CRMP1: variants seen among roughly 807,000 people sequenced by gnomAD.
The protein encoded by CRMP1 is collapsin response mediator protein 1, also known as dihydropyrimidinase-related protein 1.
Under a neutral mutation model 68.3 loss-of-function variants are expected in CRMP1, and 19 were observed. That is an observed-to-expected ratio of 0.28 (90% CI 0.19 to 0.41). The LOEUF is 0.41. CRMP1 is among the 10% of genes least tolerant of loss of function. The pLI, the probability that CRMP1 is intolerant of heterozygous loss-of-function variation, is 1.00. For missense variants in CRMP1, 791 were observed against 967.4 expected (o/e 0.82, Z 2.42); for synonymous variants, 439 against 399.6 (o/e 1.10, Z -1.18).
Position 5,828,583 on chromosome 4 carries a change from T to C in CRMP1, c.1709A>G (p.Asp570Gly). ...VISQGKIVFEDGNINVNKGMG... is the reference protein window; with the variant it reads ...VISQGKIVFEGGNINVNKGMG... ...GCCCTTGTTGACGTTGATGTTTCCG[T>C]CTTCAAAGACGATCTTGCCCTGGCT... Residue 570 changes from aspartate (D) to glycine (G), a missense_variant, in exon 12 of 14, where the codon GAC (aspartate) becomes GGC (glycine). Transcript: ENST00000324989. The C allele has an allele frequency of 1.2e-6, 2 of 1,614,172 alleles. No homozygotes were observed. Among genetic ancestry groups the C allele is most frequent in the Non-Finnish European group, 1.7e-6 (2 of 1,180,042 alleles).
At chr4:5,851,763 G>T (rs1351321960) in intron 4 of CRMP1, among the ~76,000 whole-genome samples, 16 of 150,012 alleles carry the variant, frequency 1.1e-4, no homozygotes, top group African/African-American at 4.0e-4. Flanking sequence ...GAAGGAGGAG[G>T]ATGAAGAGGA....
In CRMP1 at chr4:5,877,761, C is replaced by T. The variant is rs899015657; in HGVS notation, c.382-11005G>A. Among the ~76,000 whole-genome samples, 1 of 152,166 alleles carries T rather than the reference C, an allele frequency of 6.6e-6. No homozygotes were observed. Among genetic ancestry groups the T allele is most frequent in the African/African-American group, 2.4e-5 (1 of 41,448 alleles). ...TTCCCCCCGATATTATGCCTGTTTC[C>T]ATGACAACTGCAGTTATAAGTGCAC... On this transcript the variant is annotated intron_variant, in intron 1 of 13. Transcript: ENST00000324989. This position sits in a 1 kb window ranked among gnomAD's most constrained non-coding sequence, Gnocchi z 4.3.
intron 1 of CRMP1, among the ~76,000 whole-genome samples, chr4:5,868,302 T>TATAC (rs1408017840): frequency 2.4e-5 from 3 of 126,876 alleles, no homozygotes; most frequent in South Asian, 2.5e-4. Flanking sequence ...TATATATATA[T>TATAC]ACATAATTTT....
In CRMP1 at chr4:5,874,083, A is replaced by G. The variant is rs538663860; in HGVS notation, c.382-7327T>C. On this transcript the variant is annotated intron_variant, in intron 1 of 13. Transcript: ENST00000324989. ...TGTAGCAGGCAAGTTTGCAACAGGT[A>G]TCAAAGGCCTTAACAATGTTCATGT... 3.3e-5 allele frequency among the ~76,000 whole-genome samples: 5 copies of G among 152,346 alleles called. No homozygotes were observed. The South Asian group carries it at 8.3e-4, about 25-fold the overall frequency.
intron 1 of CRMP1, among the ~76,000 whole-genome samples, chr4:5,869,196 TC>T (rs1381639839): frequency 1.3e-5 from 2 of 152,100 alleles, no homozygotes; most frequent in Non-Finnish European, 2.9e-5. Context: ...CAAGCAATCC[TC>T]CCTCCTCGGT....
chr4:5,892,552 GC>G lies in CRMP1; in HGVS notation c.381+36del, dbSNP rs554869467. On this transcript the variant is annotated intron_variant, in intron 1 of 13. Transcript: ENST00000324989. This position sits in a 1 kb window ranked among gnomAD's most constrained non-coding sequence, Gnocchi z 8.6. ...CATGCCCTGGGTCCTCCCGGGGCCC[GC>G]CCCCCTCGTCTGGCCCGCGCGCGCC... 336 of 1,168,408 alleles carry G rather than the reference GC, an allele frequency of 2.9e-4. 1 individual carries two copies. The African/African-American group carries it at 5.0e-3, about 17-fold the overall frequency. The allele number at this position is 1,168,408 out of a possible 1,614,324, so 72.4% of individuals were successfully genotyped here. A position where few individuals can be genotyped will look rare whatever the true frequency, so the allele number is the denominator to read the frequency against.
intron 2 of CRMP1, among the ~76,000 whole-genome samples, chr4:5,862,159 A>T (rs967136780): frequency 7.9e-5 from 12 of 152,132 alleles, no homozygotes; most frequent in Non-Finnish European, 1.8e-4. Context: ...ACACCCAGAA[A>T]ATGTTACCAC....
chr4:5,851,355 C>G, intron 5 of CRMP1, 53 bp downstream of exon 5: 5 of 1,548,226 alleles, frequency 3.2e-6, no homozygotes, highest in Non-Finnish European at 4.5e-6. Context: ...ACTGGCAAAG[C>G]TGGCCCAGTC....
At chr4:5,837,698 A>AAAATAAAATAAAATAAAATG (rs1560492452) in intron 9 of CRMP1, among the ~76,000 whole-genome samples, 61 of 151,050 alleles carry the variant, frequency 4.0e-4, no homozygotes, top group African/African-American at 1.3e-3. Flanking sequence ...AAAATAAAAT[A>AAAATAAAATAAAATAAAATG]AAAAATGAAT....
chr4:5,846,464 G>A (rs1393698983), intron 6 of CRMP1, among the ~76,000 whole-genome samples: 1 of 152,168 alleles, frequency 6.6e-6, no homozygotes, highest in Non-Finnish European at 1.5e-5. Flanking sequence ...GGTGCCTTTT[G>A]TCTTATGGTG....
chr4:5,835,931 G>A lies in CRMP1; in HGVS notation c.1607C>T (p.Ala536Val). Residue 536 changes from alanine (A) to valine (V), a missense_variant, in exon 11 of 14, where the codon GCC (alanine) becomes GTC (valine). Transcript: ENST00000324989. ...WDPDKLKTIT[A>V]KSHKSAVEYN... is the part of the protein sequence containing the mutation. ...AGGACTTACCGACTTGTGACTTTTG[G>A]CTGTTATGGTCTTCAACTTGTCGGG... The A allele has an allele frequency of 6.4e-7, 1 of 1,554,846 alleles. No homozygotes were observed. The highest frequency in any genetic ancestry group is 8.7e-7 in the Non-Finnish European group (1 of 1,153,334).
rs1714947890 is a variant in CRMP1, at chr4:5,877,844, T to C, written c.382-11088A>G. Among the ~76,000 whole-genome samples, 1 of 152,202 alleles carries C rather than the reference T, an allele frequency of 6.6e-6. No homozygotes were observed. The highest frequency in any genetic ancestry group is 1.5e-5 in the Non-Finnish European group (1 of 68,042). On this transcript the variant is annotated intron_variant, in intron 1 of 13. Transcript: ENST00000324989. This position sits in a 1 kb window ranked among gnomAD's most constrained non-coding sequence, Gnocchi z 4.3. ...AGGGAGCACTCCCTGATGGACTGAA[T>C]ATCTGATTTTAAAACAGCACACCTC...
At chr4:5,840,492 G>C (rs1711638449) in intron 8 of CRMP1, among the ~76,000 whole-genome samples, 1 of 152,218 alleles carries the variant, frequency 6.6e-6, no homozygotes, top group South Asian at 2.1e-4. Context: ...GCTCTGCCCG[G>C]CTCTAGGGCA....
At chr4:5,828,796 C>T (rs1244103672) in intron 11 of CRMP1, 128 bp from the exon 12 acceptor site, 4 of 1,152,738 alleles carry the variant, frequency 3.5e-6, no homozygotes, top group Admixed American at 5.5e-5. Flanking sequence ...TCTAAAAATA[C>T]CTTTTATTGA....
In CRMP1 at chr4:5,884,887, C is replaced by T. The variant is rs184977653; in HGVS notation, c.381+7702G>A. Among the ~76,000 whole-genome samples, 47 of 151,984 alleles carry T rather than the reference C, an allele frequency of 3.1e-4. No homozygotes were observed. In the East Asian group the frequency reaches 4.7e-3, roughly 15 times the overall value. ...TTCTGCAGGGCTAGGAAGCCATGTGCCTTTGTTTGCTCAGAGCCACACCCA... is the reference window on the plus strand; with the variant it reads ...TTCTGCAGGGCTAGGAAGCCATGTGTCTTTGTTTGCTCAGAGCCACACCCA... On this transcript the variant is annotated intron_variant, in intron 1 of 13. Transcript: ENST00000324989.
chr4:5,836,133 G>C, intron 10 of CRMP1, 48 bp from the exon 11 acceptor site: 1 of 1,386,282 alleles, frequency 7.2e-7, no homozygotes, highest in Non-Finnish European at 9.4e-7. Flanking sequence ...AATGGGGCCA[G>C]GAGGAGGGGC....
chr4:5,849,751 C>T (rs964014309), intron 5 of CRMP1, among the ~76,000 whole-genome samples: 8 of 152,184 alleles, frequency 5.3e-5, no homozygotes, highest in Non-Finnish European at 1.2e-4. Flanking sequence ...AATCTCAGTG[C>T]CTATCTATGC....
intron 6 of CRMP1, among the ~76,000 whole-genome samples, chr4:5,844,589 A>C (rs1366632293): frequency 1.3e-5 from 2 of 152,240 alleles, no homozygotes; most frequent in African/African-American, 2.4e-5. Context: ...GAAACTACAG[A>C]GAAGACCAGA....
intron 13 of CRMP1, among the ~76,000 whole-genome samples, chr4:5,822,712 C>T (rs932156836): frequency 3.9e-5 from 6 of 152,218 alleles, no homozygotes; most frequent in South Asian, 2.1e-4. Context: ...GAAGTTGAGC[C>T]GGCGGAACTG....
Sources: gnomAD v4.1 joint callset for allele counts (sites outside exome capture counted in the v4.1 genomes callset) on GRCh38, gnomAD v4.1.1 for gene constraint, Gnocchi (gnomAD v3.1) non-coding constraint, MANE v1.5 for transcripts, NCBI Gene and HGNC (gene_info 2026-07-23, HGNC 2026-07-21) for gene names.